The following LRRC4C variants were observed in gnomAD, a reference collection of about 807,000 sequenced individuals.
LRRC4C encodes leucine rich repeat containing 4C.
LRRC4C carries 5 observed loss-of-function variants against 33.6 expected under a neutral mutation model. That is an observed-to-expected ratio of 0.15 (90% CI 0.08 to 0.31). The LOEUF is 0.31. Ranked by LOEUF, LRRC4C falls within the 10% of genes least tolerant of loss-of-function variation. LRRC4C has a pLI of 1.00. For synonymous variants in LRRC4C, 329 were observed against 302.0 expected, an observed-to-expected ratio of 1.09 and a Z score of -0.93; for missense variants, 560 against 796.7, an observed-to-expected ratio of 0.70 and a Z score of 3.58.
chr11:40,580,000 C>A (rs1315651666), intron 3 of LRRC4C, among the ~76,000 whole-genome samples: 1 of 151,610 alleles, frequency 6.6e-6, no homozygotes, highest in Non-Finnish European at 1.5e-5. Context: ...TAGCTGTAAC[C>A]AGGTCTGAGA....
intron 2 of LRRC4C, among the ~76,000 whole-genome samples, chr11:40,835,430 G>T (rs1238357906): frequency 6.6e-6 from 1 of 152,024 alleles, no homozygotes; most frequent in Non-Finnish European, 1.5e-5. Flanking sequence ...ACTGGTCTGT[G>T]GTCCATACTC....
At chr11:40,154,296 A>AC (rs1858485983) in intron 5 of LRRC4C, among the ~76,000 whole-genome samples, 1 of 151,884 alleles carries the variant, frequency 6.6e-6, no homozygotes, top group African/African-American at 2.4e-5. Context: ...GCAAAAAAAA[A>AC]AAAAAAACAA....
intron 6 of LRRC4C, among the ~76,000 whole-genome samples, chr11:40,137,267 T>G (rs573965397): frequency 6.6e-6 from 1 of 152,266 alleles, no homozygotes; most frequent in South Asian, 2.1e-4. Context: ...ACTCTCACAC[T>G]TTCTCTTCCT....
rs533906762 is a variant in LRRC4C at position 41,067,711 on chromosome 11, G to A, written c.-495-133988C>T. Among the ~76,000 whole-genome samples, 336 of 152,232 alleles carry A rather than the reference G, an allele frequency of 2.2e-3. 1 individual carries two copies. In the South Asian group the frequency reaches 0.032, roughly 14 times the overall value. On this transcript the variant is annotated intron_variant, in intron 1 of 6. Coordinates refer to ENST00000528697, the MANE Select transcript of LRRC4C (RefSeq NM_001258419.2). Reference sequence around the variant, plus strand: ...CAAAAGAATTAATAACAGTCTCTCAGACCACAGTGCAACGAAAATCAAACT... The same window carrying A: ...CAAAAGAATTAATAACAGTCTCTCAAACCACAGTGCAACGAAAATCAAACT...
chr11:40,428,318 A>G (rs1950792475), intron 3 of LRRC4C, among the ~76,000 whole-genome samples: 2 of 152,206 alleles, frequency 1.3e-5, no homozygotes. Context: ...GAATTCCAAA[A>G]GGATTTTATA....
intron 2 of LRRC4C, among the ~76,000 whole-genome samples, chr11:40,697,520 A>C (rs533557789): frequency 1.3e-5 from 2 of 152,302 alleles, no homozygotes; most frequent in South Asian, 4.1e-4. Flanking sequence ...AAATCAGAGG[A>C]AATCTGAACA....
intron 3 of LRRC4C, among the ~76,000 whole-genome samples, chr11:40,346,091 A>G (rs762183503): frequency 6.6e-6 from 1 of 152,196 alleles, no homozygotes; most frequent in Non-Finnish European, 1.5e-5. Context: ...ATGCTTATAC[A>G]CTGTTGGTGG....
At chr11:41,079,234 G>A (rs1939383134) in intron 1 of LRRC4C, among the ~76,000 whole-genome samples, 2 of 152,116 alleles carry the variant, frequency 1.3e-5, no homozygotes, top group African/African-American at 4.8e-5. Flanking sequence ...AGATTGCTTT[G>A]TATAATACAG....
At chr11:40,952,344 G>A (rs117727314) in intron 1 of LRRC4C, among the ~76,000 whole-genome samples, 198 of 151,966 alleles carry the variant, frequency 1.3e-3, no homozygotes, top group Middle Eastern at 6.8e-3. Context: ...GGCTGGCTTC[G>A]AAAGCTACCT....
intron 1 of LRRC4C, among the ~76,000 whole-genome samples, chr11:41,251,685 G>T (rs1003216313): frequency 6.6e-6 from 1 of 152,150 alleles, no homozygotes; most frequent in African/African-American, 2.4e-5. Flanking sequence ...TGACAAAAAT[G>T]AGTATTAATT....
intron 3 of LRRC4C, among the ~76,000 whole-genome samples, chr11:40,466,956 A>G (rs1485485362): frequency 2.6e-5 from 4 of 152,244 alleles, no homozygotes; most frequent in South Asian, 2.1e-4. Flanking sequence ...TTACATTTTC[A>G]TAAATTGTAC....
intron 3 of LRRC4C, among the ~76,000 whole-genome samples, chr11:40,389,469 C>CA (rs781592054): frequency 0.38 from 22,548 of 60,094 alleles, 2,550 homozygotes; most frequent in African/African-American, 0.5. Flanking sequence ...ATGTATGTCT[C>CA]AAAAAAAAAA....
chr11:40,983,690 A>G (rs1447658292), intron 1 of LRRC4C, among the ~76,000 whole-genome samples: 1 of 152,182 alleles, frequency 6.6e-6, no homozygotes, highest in Non-Finnish European at 1.5e-5. Flanking sequence ...AAAGACATGA[A>G]CAGACACTTC....
chr11:40,956,801 A>G (rs1264828524), intron 1 of LRRC4C, among the ~76,000 whole-genome samples: 1 of 151,604 alleles, frequency 6.6e-6, no homozygotes, highest in Admixed American at 6.6e-5. Context: ...TCCCATTCCA[A>G]CCTTCACTTC....
chr11:40,842,114 C>T (rs963525441), intron 2 of LRRC4C, among the ~76,000 whole-genome samples: 1 of 152,174 alleles, frequency 6.6e-6, no homozygotes, highest in Non-Finnish European at 1.5e-5. Context: ...CGCAGTTGGA[C>T]TACAATAGTT....
chr11:40,430,085 G>A (rs1950861480), intron 3 of LRRC4C, among the ~76,000 whole-genome samples: 1 of 152,220 alleles, frequency 6.6e-6, no homozygotes, highest in Admixed American at 6.5e-5. Context: ...GAGCCAAAAA[G>A]CAGAGCTTGG....
At chr11:40,425,747 A>T (rs1254711475) in intron 3 of LRRC4C, among the ~76,000 whole-genome samples, 2 of 152,248 alleles carry the variant, frequency 1.3e-5, no homozygotes, top group Non-Finnish European at 2.9e-5. Flanking sequence ...AAAACACTGG[A>T]ACAACTAAAT....
At chr11:40,380,259 C>A (rs1948814722) in intron 3 of LRRC4C, among the ~76,000 whole-genome samples, 1 of 152,154 alleles carries the variant, frequency 6.6e-6, no homozygotes, top group Non-Finnish European at 1.5e-5. Flanking sequence ...GGATCTTAAT[C>A]TAGACTGTAA....
At chr11:40,889,589 G>T (rs1306579396) in intron 2 of LRRC4C, among the ~76,000 whole-genome samples, 1 of 151,982 alleles carries the variant, frequency 6.6e-6, no homozygotes, top group Non-Finnish European at 1.5e-5. Flanking sequence ...TATATAACGT[G>T]CATTATTTGT....
Sources: allele counts gnomAD v4.1 joint callset (sites outside exome capture counted in the v4.1 genomes callset), GRCh38; gene constraint gnomAD v4.1.1; transcripts MANE v1.5; gene names NCBI Gene and HGNC (gene_info 2026-07-23, HGNC 2026-07-21).